Variants in HIPK2 observed in about 807,000 individuals in gnomAD.
The protein encoded by HIPK2 is homeodomain interacting protein kinase 2, also known as homeodomain-interacting protein kinase 2.
HIPK2 carries 27 observed loss-of-function variants against 113.7 expected under a neutral mutation model. That is an observed-to-expected ratio of 0.24 (90% CI 0.17 to 0.33). The LOEUF (loss-of-function observed/expected upper bound fraction) is 0.33. HIPK2 is among the 10% of genes least tolerant of loss of function. The pLI, the probability that HIPK2 is intolerant of heterozygous loss-of-function variation, is 1.00. For missense variants in HIPK2, 1,257 were observed against 1,588.0 expected, an observed-to-expected ratio of 0.79 and a Z score of 3.54; for synonymous variants, 631 against 642.2, an observed-to-expected ratio of 0.98 and a Z score of 0.26.
Position 139,683,957 on chromosome 7 carries a change from A to AT in HIPK2, c.1103+31974dup, listed in dbSNP as rs11449172. 0.021 allele frequency among the ~76,000 whole-genome samples: 3,169 copies of AT among 148,934 alleles called. 114 individuals are homozygous for AT. The highest frequency in any genetic ancestry group is 0.072 in the African/African-American group (2,922 of 40,370). On this transcript the variant is annotated intron_variant, in intron 2 of 14. Transcript: ENST00000406875. The surrounding 1 kb of genome is among the most constrained non-coding windows in gnomAD (Gnocchi z 4.2). ...TTGACTGAGCTTTGCAGATACCATG[A>AT]TTTTTTTTTTTTACACAAATTGAAG...
At chr7:139,616,704 C>A (rs1156655163) in intron 7 of HIPK2, among the ~76,000 whole-genome samples, 1 of 152,182 alleles carries the variant, frequency 6.6e-6, no homozygotes, top group South Asian at 2.1e-4. Context: ...GCCTTCTAGC[C>A]CAGCTCCTGT....
At chr7:139,586,491 G>A (rs1187353222) in intron 12 of HIPK2, among the ~76,000 whole-genome samples, 1 of 152,066 alleles carries the variant, frequency 6.6e-6, no homozygotes, top group African/African-American at 2.4e-5. Context: ...AATGAATGCT[G>A]GGAGGGGTGG....
chr7:139,593,541 G>A (rs1260844981), intron 12 of HIPK2, among the ~76,000 whole-genome samples: 1 of 152,224 alleles, frequency 6.6e-6, no homozygotes, highest in Non-Finnish European at 1.5e-5. Context: ...TCTAGTCCTA[G>A]AGGTTTAGTG....
At chr7:139,720,571 C>T (rs1313028772) in intron 1 of HIPK2, among the ~76,000 whole-genome samples, 1 of 152,192 alleles carries the variant, frequency 6.6e-6, no homozygotes, top group Non-Finnish European at 1.5e-5. Context: ...AAGTCAACAT[C>T]CCCCTTATTC....
chr7:139,587,941 G>A (rs1798892312), intron 12 of HIPK2, among the ~76,000 whole-genome samples: 1 of 152,042 alleles, frequency 6.6e-6, no homozygotes, highest in African/African-American at 2.4e-5. Context: ...ATTAGCACTT[G>A]GGGAGGTCAA....
At chr7:139,600,774 C>T (rs887736023) in intron 10 of HIPK2, 178 bp from the exon 11 acceptor site, 4 of 214,204 alleles carry the variant, frequency 1.9e-5, no homozygotes, top group Non-Finnish European at 3.2e-5. Context: ...TTCTTCTACT[C>T]ATAAGGAGTA....
intron 2 of HIPK2, among the ~76,000 whole-genome samples, chr7:139,696,824 T>C (rs2116822531): frequency 6.6e-6 from 1 of 152,242 alleles, no homozygotes; most frequent in South Asian, 2.1e-4. Flanking sequence ...AGAGCATTGC[T>C]TCCTCAGAGA....
At chr7:139,764,051 G>C (rs996209299) in intron 1 of HIPK2, among the ~76,000 whole-genome samples, 1 of 152,204 alleles carries the variant, frequency 6.6e-6, no homozygotes, top group African/African-American at 2.4e-5. Flanking sequence ...TATGAGAAAC[G>C]CATGTGTTAG....
intron 2 of HIPK2, among the ~76,000 whole-genome samples, chr7:139,652,028 C>T (rs1801479204): frequency 6.6e-6 from 1 of 152,214 alleles, no homozygotes; most frequent in Non-Finnish European, 1.5e-5. Context: ...ATTCTTCCCT[C>T]CTACAAGATA....
Position 139,777,750 on chromosome 7 carries a change from C to G in HIPK2, c.-127G>C. The G allele has an allele frequency of 3.3e-6, 3 of 901,808 alleles. No homozygotes were observed. Among genetic ancestry groups the G allele is most frequent in the Non-Finnish European group, 4.0e-6 (3 of 747,874 alleles). The allele number at this position is 901,808 out of a possible 1,614,324, so 55.9% of individuals were successfully genotyped here. ...TCTCCGCTCTCGGCGCAGCCGAGGC[C>G]GCCCGCGCCCGCATCACCGCCTCCC... On this transcript the variant is annotated 5_prime_UTR_variant, in exon 1 of 15. Transcript: ENST00000406875.
rs376167387 is a variant in HIPK2 at position 139,631,205 on chromosome 7, T to C, written c.1307A>G (p.Asn436Ser). Reference protein sequence around the residue: ...SAGTKTTRFFNRDTDSPYPLW... With the variant: ...SAGTKTTRFFSRDTDSPYPLW... ...AGGATATGGTGAGTCCGTGTCACGG[T>C]TGAAAAACCTAGTTGTCTTTGTCCC... is the stretch of plus-strand genomic sequence containing the variant. The change falls in exon 4 of 15, where the codon AAC becomes AGC. Residue 436 changes from asparagine (N) to serine (S), a missense_variant. Asn to Ser is a conservative substitution (Grantham distance 46, BLOSUM62 1). Transcript: ENST00000406875. This position sits in a 1 kb window ranked among gnomAD's most constrained non-coding sequence, Gnocchi z 4.9. 7 of 1,613,608 alleles carry C rather than the reference T, an allele frequency of 4.3e-6. No homozygotes were observed. Among genetic ancestry groups the C allele is most frequent in the Admixed American group, 3.3e-5 (2 of 59,988 alleles).
chr7:139,608,458 A>C (rs1181060166), intron 9 of HIPK2, among the ~76,000 whole-genome samples: 1 of 151,360 alleles, frequency 6.6e-6, no homozygotes, highest in Admixed American at 6.6e-5. Context: ...TAATTTTCCT[A>C]TAAGTTTATG....
chr7:139,598,880 C>T (rs1042783075), intron 11 of HIPK2, among the ~76,000 whole-genome samples: 1 of 152,220 alleles, frequency 6.6e-6, no homozygotes, highest in African/African-American at 2.4e-5. Flanking sequence ...CTAATAATGA[C>T]ATGGGTGAGC....
Position 139,570,514 on chromosome 7 carries a change from T to C in HIPK2, c.*2413A>G, listed in dbSNP as rs1798233727. On this transcript the variant is annotated 3_prime_UTR_variant, in exon 15 of 15. Coordinates refer to ENST00000406875, the MANE Select transcript of HIPK2 (RefSeq NM_022740.5). Reference sequence around the variant, plus strand: ...GGCTGTGCCCAGCATGGAGCAGTCATGGTGTCCTTCCTTCTCGCTGAGGCC... The same window carrying C: ...GGCTGTGCCCAGCATGGAGCAGTCACGGTGTCCTTCCTTCTCGCTGAGGCC... 6.6e-6 allele frequency: 1 copy of C among 152,258 alleles called. No individual in the cohort carries two copies. The highest frequency in any genetic ancestry group is 1.5e-5 in the Non-Finnish European group (1 of 68,062). The allele number at this position is 152,258 out of a possible 1,614,324, so 9.4% of individuals were successfully genotyped here.
chr7:139,752,590 CCCTCAGT>C (rs1364813966), intron 1 of HIPK2, among the ~76,000 whole-genome samples: 1 of 152,078 alleles, frequency 6.6e-6, no homozygotes. Context: ...ACCCAGGATT[CCCTCAGT>C]CCTCCTATCT....
intron 13 of HIPK2, 60 bp from the exon 14 acceptor site, chr7:139,575,348 C>T (rs890677153): frequency 6.7e-7 from 1 of 1,500,132 alleles, no homozygotes; most frequent in Non-Finnish European, 9.0e-7. Context: ...CCAGAAGATG[C>T]TACCCCACCA....
At chr7:139,678,231 C>T (rs12707450) in intron 2 of HIPK2, among the ~76,000 whole-genome samples, 4,409 of 152,228 alleles carry the variant, frequency 0.029, 106 homozygotes, top group Non-Finnish European at 0.049. Context: ...TTAATTAGAT[C>T]CCATTTGTCA....
At chr7:139,667,766 T>C (rs188075567) in intron 2 of HIPK2, among the ~76,000 whole-genome samples, 55 of 152,322 alleles carry the variant, frequency 3.6e-4, no homozygotes, top group African/African-American at 1.2e-3. Flanking sequence ...TCTAGTTTCA[T>C]AGGTGTTAAG....
chr7:139,764,616 AG>A lies in HIPK2; in HGVS notation c.19+12988del, dbSNP rs564090447. On this transcript the variant is annotated intron_variant, in intron 1 of 14. Coordinates refer to ENST00000406875, the MANE Select transcript of HIPK2 (RefSeq NM_022740.5). Reference sequence around the variant, plus strand: ...AGATATCCAAAGAGAGAGGTCCAGTAGCTTGATGGCTTTATGACTCTGGAGC... The same window carrying A: ...AGATATCCAAAGAGAGAGGTCCAGTACTTGATGGCTTTATGACTCTGGAGC... Among the ~76,000 whole-genome samples the A allele has an allele frequency of 3.9e-4, 60 of 152,320 alleles. No homozygotes were observed. The East Asian group carries it at 7.7e-3, about 20-fold the overall frequency.
Sources: allele counts gnomAD v4.1 joint callset (sites outside exome capture counted in the v4.1 genomes callset), GRCh38; gene constraint gnomAD v4.1.1; non-coding constraint Gnocchi (gnomAD v3.1); transcripts MANE v1.5; gene names NCBI Gene and HGNC (gene_info 2026-07-23, HGNC 2026-07-21).